Variants in HHIPL1 observed in about 807,000 individuals in gnomAD.
The protein encoded by HHIPL1 is HHIP-like protein 1.
HHIPL1 carries 43 observed loss-of-function variants against 61.8 expected under a neutral mutation model. The observed-to-expected ratio is 0.70, with a 90% CI of 0.55 to 0.90. The LOEUF is 0.90. HHIPL1 is among the 40% of genes least tolerant of loss of function. The pLI, the probability that HHIPL1 is intolerant of heterozygous loss-of-function variation, is 0.00. For synonymous variants in HHIPL1, 482 were observed against 515.8 expected (o/e 0.93, Z 0.89); for missense variants, 1,056 against 1,157.7 (o/e 0.91, Z 1.28).
chr14:99,678,774 G>A lies in HHIPL1; in HGVS notation c.*3148G>A, dbSNP rs1164376984. On this transcript the variant is annotated 3_prime_UTR_variant, in exon 9 of 9. Coordinates refer to ENST00000330710, the MANE Select transcript of HHIPL1 (RefSeq NM_001127258.3). ...AGGACATAGAACGTACTATGTGCCT[G>A]TGAGCACGTCTAACAGTTACATAGA... is the stretch of plus-strand genomic sequence containing the variant. The A allele has an allele frequency of 6.6e-6, 1 of 152,252 alleles. No homozygotes were observed. Among genetic ancestry groups the A allele is most frequent in the East Asian group, 1.9e-4 (1 of 5,202 alleles). 9.4% of individuals were successfully genotyped at this position (152,252 alleles called of 1,614,324 possible).
At chr14:99,635,821 A>G in the HHIPL1 span, among the ~76,000 whole-genome samples, 1 of 152,190 alleles carries the variant, frequency 6.6e-6, no homozygotes, top group Admixed American at 6.5e-5. Context: ...TTGCTGGGCT[A>G]TGGCTTGGTA....
the HHIPL1 span, among the ~76,000 whole-genome samples, chr14:99,631,648 C>T: frequency 1.3e-5 from 2 of 152,128 alleles, no homozygotes; most frequent in Non-Finnish European, 2.9e-5. Context: ...GATGGAGTCT[C>T]GCTCTATCAC....
At chr14:99,611,606 T>TA in the HHIPL1 span, among the ~76,000 whole-genome samples, 1 of 145,626 alleles carries the variant, frequency 6.9e-6, no homozygotes. Flanking sequence ...TTTTTTTTTT[T>TA]AAAGAAAGAT....
At chr14:99,653,615 G>A (rs1036931626) in intron 2 of HHIPL1, among the ~76,000 whole-genome samples, 4 of 152,108 alleles carry the variant, frequency 2.6e-5, no homozygotes, top group Non-Finnish European at 4.4e-5. Context: ...AGCCCCACTG[G>A]GTCCTTTTTC....
intron 3 of HHIPL1, among the ~76,000 whole-genome samples, chr14:99,658,335 G>A (rs2056085831): frequency 6.6e-6 from 1 of 152,206 alleles, no homozygotes; most frequent in African/African-American, 2.4e-5. Context: ...GGTGTGATCT[G>A]GATGGTGTTC....
At position 99,660,289 on chromosome 14, in the gene HHIPL1, T is replaced by C; in HGVS notation, c.1385T>C (p.Leu462Pro). ...LCANTSLNDL[L>P]PIFAYPHTVG... is the part of the protein sequence containing the mutation. ...CCCTCCCACCCCGCAGATGACTTGC[T>C]GCCGATTTTCGCCTACCCGCACACG... The change falls in exon 5 of 9, where the codon CTG becomes CCG. Residue 462 changes from leucine (L) to proline (P), a missense_variant. By Grantham distance (98) the Leu-to-Pro change is moderately conservative. Transcript: ENST00000330710. The surrounding 1 kb of genome is among the most constrained non-coding windows in gnomAD (Gnocchi z 4.9). The C allele has an allele frequency of 6.2e-7, 1 of 1,614,038 alleles. No homozygotes were observed. Among genetic ancestry groups the C allele is most frequent in the Non-Finnish European group, 8.5e-7 (1 of 1,179,990 alleles).
the HHIPL1 span, among the ~76,000 whole-genome samples, chr14:99,611,655 T>C: frequency 6.8e-6 from 1 of 147,426 alleles, no homozygotes; most frequent in East Asian, 2.1e-4. Context: ...CTTGAACTTC[T>C]GGCCTCAAGT....
rs1595174021 is a variant in HHIPL1, at chr14:99,675,627, G to T, written c.*1G>T. On this transcript the variant is annotated 3_prime_UTR_variant, in exon 9 of 9. Coordinates refer to ENST00000330710, the MANE Select transcript of HHIPL1 (RefSeq NM_001127258.3). This position sits in a 1 kb window ranked among gnomAD's most constrained non-coding sequence, Gnocchi z 5.4. Reference sequence around the variant, plus strand: ...CAGCCACCAGAACCCCGACCTGTAGGCAACACGCCGCTGCCCCAGGCCATC... The same window carrying T: ...CAGCCACCAGAACCCCGACCTGTAGTCAACACGCCGCTGCCCCAGGCCATC... 6.6e-7 allele frequency: 1 copy of T among 1,510,442 alleles called. No homozygotes were observed. Among genetic ancestry groups the T allele is most frequent in the East Asian group, 2.5e-5 (1 of 40,032 alleles). 93.6% of individuals were successfully genotyped at this position (1,510,442 alleles called of 1,614,324 possible).
the HHIPL1 span, among the ~76,000 whole-genome samples, chr14:99,618,652 C>T: frequency 6.6e-6 from 1 of 152,272 alleles, no homozygotes; most frequent in Non-Finnish European, 1.5e-5. Flanking sequence ...GGGCCTCTGC[C>T]TGGCTTTTCC....
chr14:99,671,027 GGA>G (rs2056321596), intron 7 of HHIPL1, among the ~76,000 whole-genome samples: 1 of 152,124 alleles, frequency 6.6e-6, no homozygotes, highest in Non-Finnish European at 1.5e-5. Flanking sequence ...CGAGACTTAA[GGA>G]GTTCTCTCGC....
intron 2 of HHIPL1, among the ~76,000 whole-genome samples, chr14:99,653,329 T>TTTTTGTTTTG (rs11268009): frequency 0.74 from 111,765 of 150,916 alleles, 41,834 homozygotes; most frequent in Admixed American, 0.8. Context: ...GGTGCCATCT[T>TTTTTGTTTTG]TTTTGTTTTG....
chr14:99,653,380 T>A (rs2055971852), intron 2 of HHIPL1, among the ~76,000 whole-genome samples: 1 of 152,170 alleles, frequency 6.6e-6, no homozygotes, highest in Admixed American at 6.5e-5. Context: ...TTGCCGAGGC[T>A]GGAGTGCAGT....
intron 1 of HHIPL1, among the ~76,000 whole-genome samples, chr14:99,645,968 G>A (rs1161275758): frequency 6.6e-6 from 1 of 152,202 alleles, no homozygotes; most frequent in Admixed American, 6.5e-5. Flanking sequence ...TGTCCCCCAC[G>A]AGCGTCTCAC....
the HHIPL1 span, among the ~76,000 whole-genome samples, chr14:99,635,124 G>T: frequency 1.4e-4 from 22 of 152,164 alleles, no homozygotes; most frequent in African/African-American, 5.3e-4. Flanking sequence ...CAACGAGCTG[G>T]AGGTAGAGTT....
the HHIPL1 span, among the ~76,000 whole-genome samples, chr14:99,635,953 G>C: frequency 6.6e-6 from 1 of 152,166 alleles, no homozygotes. Context: ...GAGGGTCTCG[G>C]CCAGAGCACT....
At chr14:99,606,900 C>A in the HHIPL1 span, among the ~76,000 whole-genome samples, 7 of 152,086 alleles carry the variant, frequency 4.6e-5, no homozygotes, top group Admixed American at 2.0e-4. Context: ...AAAAGGGACT[C>A]CCCAGGCCAG....
At position 99,676,025 on chromosome 14, in the gene HHIPL1, C is replaced by G. The variant is rs1447243257; in HGVS notation, c.*399C>G. The G allele has an allele frequency of 5.1e-6, 1 of 196,660 alleles. No individual in the cohort carries two copies. The highest frequency in any genetic ancestry group is 1.0e-5 in the Non-Finnish European group (1 of 97,670). The allele number at this position is 196,660 out of a possible 1,614,324, so 12.2% of individuals were successfully genotyped here. On this transcript the variant is annotated 3_prime_UTR_variant, in exon 9 of 9. Coordinates refer to ENST00000330710, the MANE Select transcript of HHIPL1 (RefSeq NM_001127258.3). Reference sequence around the variant, plus strand: ...GCAGACTGAGGGCGGTGGGGAGAACCAGGCTTGTCCTGCCCACAGCTGGAA... The same window carrying G: ...GCAGACTGAGGGCGGTGGGGAGAACGAGGCTTGTCCTGCCCACAGCTGGAA...
At chr14:99,669,785 T>C (rs2056305573) in intron 7 of HHIPL1, among the ~76,000 whole-genome samples, 1 of 152,156 alleles carries the variant, frequency 6.6e-6, no homozygotes, top group Non-Finnish European at 1.5e-5. Context: ...ATTAGTCTGG[T>C]GTGCTGGCGC....
At chr14:99,671,513 C>T (rs1033356476) in intron 7 of HHIPL1, among the ~76,000 whole-genome samples, 6 of 152,184 alleles carry the variant, frequency 3.9e-5, no homozygotes, top group East Asian at 1.9e-4. Context: ...CTCCGTGTCA[C>T]GTGGCTGCTT....
Sources: allele counts gnomAD v4.1 joint callset (sites outside exome capture counted in the v4.1 genomes callset), GRCh38; gene constraint gnomAD v4.1.1; non-coding constraint Gnocchi (gnomAD v3.1); transcripts MANE v1.5; gene names NCBI Gene and HGNC (gene_info 2026-07-23, HGNC 2026-07-21).